The following SEL1L3 variants were observed in gnomAD, a reference collection of about 807,000 sequenced individuals.
SEL1L3 encodes the protein SEL1L family member 3, also known as protein sel-1 homolog 3.
A neutral mutation model predicts 142.8 loss-of-function variants in SEL1L3; 76 were observed. The observed-to-expected ratio is 0.53, with a 90% CI of 0.44 to 0.64. The LOEUF is 0.64. SEL1L3 is among the 30% of genes least tolerant of loss of function. The pLI is 0.00. For synonymous variants in SEL1L3, 504 were observed against 519.6 expected (o/e 0.97, Z 0.41); for missense variants, 1,262 against 1,381.7 (o/e 0.91, Z 1.37).
intron 11 of SEL1L3, among the ~76,000 whole-genome samples, chr4:25,792,422 G>C (rs1712410369): frequency 6.6e-6 from 1 of 152,154 alleles, no homozygotes; most frequent in Non-Finnish European, 1.5e-5. Flanking sequence ...ATCCAATCTG[G>C]GCACAGACCA....
rs767707578 is a variant in SEL1L3, at chr4:25,847,478, G to A, written c.549C>T (p.Gly183=). Residue 183 remains glycine (G), a synonymous_variant, in exon 2 of 24, where the codon GGC becomes GGT. Coordinates refer to ENST00000399878, the MANE Select transcript of SEL1L3 (RefSeq NM_015187.5). ...VRAWITHKYS[G]RDWNVKWEEN... is the part of the protein sequence containing the mutation. Reference sequence around the variant, plus strand: ...CCTCCCATTTAACATTCCAGTCTCTGCCACTGTATTTGTGAGTAATCCAGG... The same window carrying A: ...CCTCCCATTTAACATTCCAGTCTCTACCACTGTATTTGTGAGTAATCCAGG... 1.2e-6 allele frequency: 2 copies of A among 1,613,878 alleles called. No individual in the cohort carries two copies. Among genetic ancestry groups the A allele is most frequent in the African/African-American group, 1.3e-5 (1 of 74,928 alleles).
chr4:25,784,470 C>T lies in SEL1L3; in HGVS notation c.2218-180G>A, dbSNP rs377308374. On this transcript the variant is annotated intron_variant, in intron 13 of 23. Coordinates refer to ENST00000399878, the MANE Select transcript of SEL1L3 (RefSeq NM_015187.5). ...CATTATCATCATCATTATTATTTTG[C>T]TTATATTTGTGGAGCAGAAGCAACA... is the stretch of plus-strand genomic sequence containing the variant. Among the ~76,000 whole-genome samples the T allele has an allele frequency of 4.0e-4, 61 of 152,244 alleles. 1 individual carries two copies. In the South Asian group the frequency reaches 0.013, roughly 32 times the overall value.
chr4:25,817,481 C>T (rs6853069), intron 9 of SEL1L3, among the ~76,000 whole-genome samples: 4,525 of 152,312 alleles, frequency 0.03, 179 homozygotes, highest in African/African-American at 0.1. Flanking sequence ...ACCCAAATTG[C>T]ACTGGGCCTA....
At chr4:25,835,090 C>G in intron 3 of SEL1L3, 107 bp downstream of exon 3, 1 of 1,406,818 alleles carries the variant, frequency 7.1e-7, no homozygotes, top group East Asian at 2.3e-5. Context: ...TGCAAAACAC[C>G]TTACCAAGAA....
chr4:25,773,461 T>C (rs769912159), intron 17 of SEL1L3: 1 of 152,170 alleles, frequency 6.6e-6, no homozygotes, highest in Non-Finnish European at 1.5e-5. Flanking sequence ...TACATATCAA[T>C]GATTACATGA....
At chr4:25,715,899 T>G in the SEL1L3 span, among the ~76,000 whole-genome samples, 1 of 152,166 alleles carries the variant, frequency 6.6e-6, no homozygotes, top group African/African-American at 2.4e-5. Context: ...TGCATAATTC[T>G]GGGAGGACAC....
chr4:25,863,566 C>T, upstream of SEL1L3: 3 of 702,014 alleles, frequency 4.3e-6, no homozygotes, highest in Non-Finnish European at 7.8e-6. Flanking sequence ...CGCAGCTGCC[C>T]GGCTCCCAGG....
At chr4:25,824,044 T>C (rs545610953) in intron 6 of SEL1L3, among the ~76,000 whole-genome samples, 3 of 152,264 alleles carry the variant, frequency 2.0e-5, no homozygotes, top group Admixed American at 2.0e-4. Flanking sequence ...GGAAAAGAAG[T>C]GCTTCAGCTC....
intron 15 of SEL1L3, 118 bp from the exon 16 acceptor site, chr4:25,779,321 T>A: frequency 8.8e-7 from 1 of 1,142,100 alleles, no homozygotes; most frequent in Non-Finnish European, 1.2e-6. Flanking sequence ...CTGATAGCTT[T>A]AAAACCAGGG....
In SEL1L3 at chr4:25,765,424, T is replaced by A; in HGVS notation, c.2857A>T (p.Met953Leu). ...IDAPSFAYLK[M>L]GDLYYYGHQN... ...TGGCCATAGTAGTAAAGGTCTCCCA[T>A]CTTCAAATATGCTGCAGGAAATAAA... The change falls in exon 20 of 24, where the codon ATG (methionine) becomes TTG (leucine). Residue 953 changes from methionine to leucine, a missense_variant. Coordinates refer to ENST00000399878, the MANE Select transcript of SEL1L3 (RefSeq NM_015187.5). The A allele has an allele frequency of 6.2e-7, 1 of 1,604,630 alleles. No individual in the cohort carries two copies. Among genetic ancestry groups the A allele is most frequent in the Non-Finnish European group, 8.5e-7 (1 of 1,171,430 alleles).
At position 25,782,314 on chromosome 4, in the gene SEL1L3, G is replaced by A; in HGVS notation, c.2385C>T (p.Asn795=). The change falls in exon 15 of 24, where the codon AAC becomes AAT. Residue 795 remains asparagine (N), a synonymous_variant. Coordinates refer to ENST00000399878, the MANE Select transcript of SEL1L3 (RefSeq NM_015187.5). ...CTCCAAGATTGTATGACGCATCTGG[G>A]TTCCCCATTTCTTCTGCTTTTAACC... ...KYWLKAEEMG[N]PDASYNLGVL... 1.2e-6 allele frequency: 2 copies of A among 1,613,864 alleles called. No homozygotes were observed. Among genetic ancestry groups the A allele is most frequent in the Non-Finnish European group, 1.7e-6 (2 of 1,179,796 alleles).
chr4:25,731,163 A>G, the SEL1L3 span, among the ~76,000 whole-genome samples: 1 of 152,140 alleles, frequency 6.6e-6, no homozygotes, highest in African/African-American at 2.4e-5. Flanking sequence ...ATATTTACAA[A>G]TATTATCTCC....
At chr4:25,814,983 A>C (rs916256358) in intron 9 of SEL1L3, among the ~76,000 whole-genome samples, 7 of 152,096 alleles carry the variant, frequency 4.6e-5, no homozygotes, top group African/African-American at 1.7e-4. Context: ...TGTGACCTAG[A>C]GAAAGAGGTG....
At chr4:25,843,725 G>A (rs1178071515) in intron 2 of SEL1L3, among the ~76,000 whole-genome samples, 1 of 152,222 alleles carries the variant, frequency 6.6e-6, no homozygotes, top group African/African-American at 2.4e-5. Context: ...TGGCACACAC[G>A]TGTTCCCAAT....
intron 15 of SEL1L3, 53 bp downstream of exon 15, chr4:25,782,189 C>T: frequency 2.0e-6 from 3 of 1,530,468 alleles, no homozygotes; most frequent in Non-Finnish European, 1.8e-6. Context: ...TCAACAAATG[C>T]TTCATGATCA....
chr4:25,720,039 C>T, the SEL1L3 span: 1 of 152,238 alleles, frequency 6.6e-6, no homozygotes, highest in African/African-American at 2.4e-5. Flanking sequence ...ATTTGGTAAA[C>T]ACGGTCTATC....
rs1011189796 is a variant in SEL1L3, at chr4:25,748,537, T to G, written c.3287A>C (p.Gln1096Pro). Reference protein sequence around the residue: ...SASDPPPRPSQASPDTATSTA... With the variant: ...SASDPPPRPSPASPDTATSTA... ...GGACGTGGCAGTGTCTGGGGAGGCC[T>G]GGGATGGTCTTGGAGGGGGATCGCT... Residue 1096 changes from glutamine (Q) to proline (P), a missense_variant, in exon 24 of 24, where the codon CAG (glutamine) becomes CCG (proline). This residue lies in a region of SEL1L3 where 138 missense variants were observed against 129.7 expected (regional missense o/e 1.06). Coordinates refer to ENST00000399878, the MANE Select transcript of SEL1L3 (RefSeq NM_015187.5). The G allele has an allele frequency of 3.1e-6, 5 of 1,611,356 alleles. No homozygotes were observed. The African/African-American group carries it at 6.7e-5, about 22-fold the overall frequency.
intron 20 of SEL1L3, among the ~76,000 whole-genome samples, chr4:25,764,810 A>G (rs972231686): frequency 2.0e-5 from 3 of 152,182 alleles, no homozygotes; most frequent in African/African-American, 7.2e-5. Flanking sequence ...TTATGTGAGA[A>G]TGGCGTGGGG....
At chr4:25,854,657 T>C (rs1717123124) in intron 1 of SEL1L3, among the ~76,000 whole-genome samples, 1 of 152,234 alleles carries the variant, frequency 6.6e-6, no homozygotes, top group African/African-American at 2.4e-5. Context: ...AGTTCTCATA[T>C]AGGAGAAACG....
Sources: gnomAD v4.1 joint callset for allele counts (sites outside exome capture counted in the v4.1 genomes callset) on GRCh38, gnomAD v4.1.1 for gene constraint, gnomAD v4.1.1 regional missense constraint, MANE v1.5 for transcripts, NCBI Gene and HGNC (gene_info 2026-07-23, HGNC 2026-07-21) for gene names.